PSD3: variants seen among roughly 807,000 people sequenced by gnomAD.
The protein encoded by PSD3 is pleckstrin and Sec7 domain containing 3.
A neutral mutation model predicts 105.5 loss-of-function variants in PSD3; 49 were observed. That is an observed-to-expected ratio of 0.46 (90% CI 0.37 to 0.59). The LOEUF is 0.59. Ranked by LOEUF, PSD3 falls within the 20% of genes least tolerant of loss-of-function variation. PSD3 has a pLI of 0.00. For missense variants in PSD3, 1,561 were observed against 1,263.8 expected (o/e 1.24, Z -3.57); for synonymous variants, 557 against 457.8 (o/e 1.22, Z -2.77).
At chr8:18,622,916 A>G (rs76528121) in intron 11 of PSD3, among the ~76,000 whole-genome samples, 5,119 of 152,310 alleles carry the variant, frequency 0.034, 122 homozygotes, top group East Asian at 0.1. Context: ...TTTATATTTT[A>G]ATGTGTACCA....
intron 1 of PSD3, among the ~76,000 whole-genome samples, chr8:19,039,178 A>G (rs528036953): frequency 6.6e-6 from 1 of 152,214 alleles, no homozygotes; most frequent in Admixed American, 6.5e-5. Context: ...TTTCTCTGCA[A>G]ACATCTTTCA....
intron 9 of PSD3, among the ~76,000 whole-genome samples, chr8:18,761,517 G>A (rs1806534737): frequency 1.3e-5 from 2 of 152,116 alleles, no homozygotes; most frequent in Non-Finnish European, 2.9e-5. Context: ...TTTACTTGAC[G>A]TAGTCCCCTG....
At chr8:18,586,714 T>C (rs1488933296) in intron 12 of PSD3, among the ~76,000 whole-genome samples, 1 of 152,146 alleles carries the variant, frequency 6.6e-6, no homozygotes, top group Non-Finnish European at 1.5e-5. Flanking sequence ...GCAGTGGCCC[T>C]GTTTCCTTCT....
chr8:18,648,577 T>C (rs1017116887), intron 10 of PSD3, among the ~76,000 whole-genome samples: 6 of 152,242 alleles, frequency 3.9e-5, no homozygotes, highest in Admixed American at 6.5e-5. Context: ...TCTAAAAGTT[T>C]GGAAAATTTG....
At chr8:18,761,940 C>A (rs1354484037) in intron 9 of PSD3, among the ~76,000 whole-genome samples, 1 of 152,138 alleles carries the variant, frequency 6.6e-6, no homozygotes, top group East Asian at 1.9e-4. Flanking sequence ...ATATGAATGA[C>A]TGTCTTGATT....
intron 1 of PSD3, among the ~76,000 whole-genome samples, chr8:18,984,925 G>A (rs181794516): frequency 7.9e-5 from 12 of 152,084 alleles, no homozygotes; most frequent in African/African-American, 2.7e-4. Flanking sequence ...GACCCATCAC[G>A]CTTCGCTTTT....
At chr8:18,734,191 A>AACCAGAC (rs1803980356) in intron 9 of PSD3, 1 of 152,234 alleles carries the variant, frequency 6.6e-6, no homozygotes, top group Admixed American at 6.5e-5. Flanking sequence ...CCAGACTTGA[A>AACCAGAC]TTCTGCCTCT....
At chr8:18,922,712 G>A (rs970626502) in intron 2 of PSD3, among the ~76,000 whole-genome samples, 7 of 149,168 alleles carry the variant, frequency 4.7e-5, no homozygotes, top group Admixed American at 4.7e-4. Flanking sequence ...GCTTCTGACT[G>A]GCTATAAATC....
chr8:18,980,248 G>T (rs936497554), intron 1 of PSD3, among the ~76,000 whole-genome samples: 1 of 152,206 alleles, frequency 6.6e-6, no homozygotes, highest in Non-Finnish European at 1.5e-5. Flanking sequence ...AACCCAGACA[G>T]TGCTAATCTC....
At chr8:18,861,079 A>G (rs1038010430) in intron 4 of PSD3, among the ~76,000 whole-genome samples, 1 of 152,152 alleles carries the variant, frequency 6.6e-6, no homozygotes, top group African/African-American at 2.4e-5. Context: ...CATTTCCTGA[A>G]GTCATCACTA....
intron 14 of PSD3, among the ~76,000 whole-genome samples, chr8:18,572,079 T>C (rs1802177116): frequency 6.6e-6 from 1 of 152,166 alleles, no homozygotes; most frequent in Admixed American, 6.5e-5. Context: ...CTCTGAGGGG[T>C]AGGGCAGGCC....
chr8:18,586,404 G>C (rs1354093802), intron 12 of PSD3, among the ~76,000 whole-genome samples: 1 of 152,124 alleles, frequency 6.6e-6, no homozygotes, highest in East Asian at 1.9e-4. Flanking sequence ...AATGCGAATT[G>C]AATTATTCTT....
chr8:18,627,548 GA>G (rs1370487882), intron 11 of PSD3, among the ~76,000 whole-genome samples: 1 of 152,028 alleles, frequency 6.6e-6, no homozygotes, highest in African/African-American at 2.4e-5. Context: ...TGCCATATTG[GA>G]AAGAGGCTGA....
At chr8:18,824,306 C>T (rs1812999797) in intron 4 of PSD3, among the ~76,000 whole-genome samples, 1 of 152,190 alleles carries the variant, frequency 6.6e-6, no homozygotes. Flanking sequence ...CCACAGTAAA[C>T]ATTCCACTGC....
chr8:18,653,615 T>A (rs562365677), intron 10 of PSD3, among the ~76,000 whole-genome samples: 20 of 152,328 alleles, frequency 1.3e-4, no homozygotes, highest in African/African-American at 4.8e-4. Flanking sequence ...AATCCAGGCT[T>A]CTGAACAAGA....
chr8:18,892,318 G>C (rs761541207), intron 2 of PSD3, among the ~76,000 whole-genome samples: 7 of 151,714 alleles, frequency 4.6e-5, no homozygotes, highest in Non-Finnish European at 8.8e-5. Flanking sequence ...CTGCCTCCTG[G>C]GTTCATGCCA....
intron 2 of PSD3, among the ~76,000 whole-genome samples, chr8:18,923,278 C>G (rs1821151637): frequency 6.6e-6 from 1 of 152,164 alleles, no homozygotes; most frequent in Non-Finnish European, 1.5e-5. Context: ...GCATGTGGCC[C>G]ATGGGCTGTG....
chr8:18,791,191 T>C (rs945038034), intron 8 of PSD3, among the ~76,000 whole-genome samples: 1 of 152,162 alleles, frequency 6.6e-6, no homozygotes, highest in Non-Finnish European at 1.5e-5. Flanking sequence ...CCCATTAAAC[T>C]ACCATTGACC....
intron 11 of PSD3, among the ~76,000 whole-genome samples, chr8:18,625,187 T>TACACACACACACACACAC (rs3042894): frequency 4.7e-5 from 7 of 149,254 alleles, no homozygotes; most frequent in African/African-American, 1.7e-4. Context: ...AGGTGGGGAA[T>TACACACACACACACACAC]ACACACACAC....
Sources: gnomAD v4.1 joint callset for allele counts (sites outside exome capture counted in the v4.1 genomes callset) on GRCh38, gnomAD v4.1.1 for gene constraint, MANE v1.5 for transcripts, NCBI Gene and HGNC (gene_info 2026-07-23, HGNC 2026-07-21) for gene names.